The following N4BP1 variants were observed in gnomAD, a reference collection of about 807,000 sequenced individuals.
N4BP1 encodes the protein NEDD4 binding protein 1, also known as NEDD4-binding protein 1.
Under a neutral mutation model 70.9 loss-of-function variants are expected in N4BP1, and 21 were observed. The ratio of observed to expected loss-of-function variants is 0.30; its 90% CI spans 0.21 to 0.43. The LOEUF (loss-of-function observed/expected upper bound fraction) is 0.43, where lower values mean the gene tolerates loss of function less well. N4BP1 is among the 20% of genes least tolerant of loss of function. The probability of loss-of-function intolerance (pLI) is 1.00; values close to 1 mark genes in which losing one functional copy is unlikely to be tolerated. For missense variants in N4BP1, 936 were observed against 1,069.4 expected, an observed-to-expected ratio of 0.88 and a Z score of 1.74; for synonymous variants, 387 against 394.6, an observed-to-expected ratio of 0.98 and a Z score of 0.23.
At chr16:48,601,497 T>C (rs555168701) in intron 1 of N4BP1, among the ~76,000 whole-genome samples, 20 of 152,250 alleles carry the variant, frequency 1.3e-4, no homozygotes, top group Admixed American at 1.2e-3. Context: ...AAAAAAGTGT[T>C]GATTCAAGAA....
rs1963509173 is a variant in N4BP1, at chr16:48,542,135, G to C, written c.*769C>G. 1 of 152,322 alleles carries C rather than the reference G, an allele frequency of 6.6e-6. No individual in the cohort carries two copies. The highest frequency in any genetic ancestry group is 2.1e-4 in the South Asian group (1 of 4,836). The allele number at this position is 152,322 out of a possible 1,614,324, so 9.4% of individuals were successfully genotyped here. A position where few individuals can be genotyped will look rare whatever the true frequency, so the allele number is the denominator to read the frequency against. On this transcript the variant is annotated 3_prime_UTR_variant, in exon 7 of 7. Transcript: ENST00000262384. ...TCAAGCCCTGGCTGGGGAGCCTGCT[G>C]CCTGCCCGGCCACTCCTCAGCTGTG... is the stretch of plus-strand genomic sequence containing the variant.
In N4BP1 at chr16:48,543,125, G is replaced by GC. The variant is rs1963531522; in HGVS notation, c.2469dup (p.Leu824AlafsTer44). 1 of 1,610,490 alleles carries GC rather than the reference G, an allele frequency of 6.2e-7. No homozygotes were observed. The highest frequency in any genetic ancestry group is 2.2e-5 in the East Asian group (1 of 44,782). Reference sequence around the variant, plus strand: ...AGTGGGAAGTGGGGCTGCTGAGGGAGCCAGTGGCTTGAAGGGGCTCCCTGA... The same window carrying GC: ...AGTGGGAAGTGGGGCTGCTGAGGGAGCCCAGTGGCTTGAAGGGGCTCCCTGA... On this transcript the variant is annotated frameshift_variant, in exon 7 of 7. Coordinates refer to ENST00000262384, the MANE Select transcript of N4BP1 (RefSeq NM_153029.4). LOFTEE classifies it high-confidence loss of function.
intron 1 of N4BP1, among the ~76,000 whole-genome samples, chr16:48,609,476 C>A (rs1964641988): frequency 6.6e-6 from 1 of 152,226 alleles, no homozygotes. Context: ...GCACCCGATC[C>A]GTGCCACACG....
At position 48,604,363 on chromosome 16, in the gene N4BP1, C is replaced by G. The variant is rs114759019; in HGVS notation, c.198+5412G>C. ...CTCGGGAATTCAAGATTAGCCAGGGCAGCATAGTGAGATGCCATCTCTACC... is the reference window on the plus strand; with the variant it reads ...CTCGGGAATTCAAGATTAGCCAGGGGAGCATAGTGAGATGCCATCTCTACC... On this transcript the variant is annotated intron_variant, in intron 1 of 6. Transcript: ENST00000262384. Among the ~76,000 whole-genome samples, 773 of 152,102 alleles carry G rather than the reference C, an allele frequency of 5.1e-3. 6 individuals are homozygous for G. The highest frequency in any genetic ancestry group is 0.017 in the African/African-American group (697 of 41,486).
At position 48,610,075 on chromosome 16, in the gene N4BP1, C is replaced by G; in HGVS notation, c.-103G>C. On this transcript the variant is annotated 5_prime_UTR_variant, in exon 1 of 7. Transcript: ENST00000262384. ...GCCAGTCAGGCGGCGTCGGCCCTTC[C>G]CGGCCGCCTCGCCCCCGCCCGCGCC... The G allele has an allele frequency of 1.6e-6, 1 of 619,352 alleles. No individual in the cohort carries two copies. Among genetic ancestry groups the G allele is most frequent in the Non-Finnish European group, 2.0e-6 (1 of 491,834 alleles). The allele number at this position is 619,352 out of a possible 1,614,324, so 38.4% of individuals were successfully genotyped here.
At chr16:48,565,473 C>A (rs574597429) in intron 1 of N4BP1, among the ~76,000 whole-genome samples, 2 of 152,300 alleles carry the variant, frequency 1.3e-5, no homozygotes, top group Non-Finnish European at 2.9e-5. Flanking sequence ...ACTGAACCAG[C>A]CTTGCATCCC....
chr16:48,601,427 A>G (rs191382724), intron 1 of N4BP1, among the ~76,000 whole-genome samples: 1 of 152,302 alleles, frequency 6.6e-6, no homozygotes, highest in East Asian at 1.9e-4. Context: ...AGTAGAATTT[A>G]TGGGTACAAC....
In N4BP1 at chr16:48,553,232, A is replaced by G. The variant is rs182999600; in HGVS notation, c.2020+307T>C. ...AAGTGACTTCAAAAATACTATCTAAACAGTCAGAAATCCAGCCTAATAAAA... is the reference window on the plus strand; with the variant it reads ...AAGTGACTTCAAAAATACTATCTAAGCAGTCAGAAATCCAGCCTAATAAAA... On this transcript the variant is annotated intron_variant, in intron 3 of 6. Coordinates refer to ENST00000262384, the MANE Select transcript of N4BP1 (RefSeq NM_153029.4). Among the ~76,000 whole-genome samples the G allele has an allele frequency of 2.3e-3, 357 of 152,324 alleles. 2 individuals carry two copies. The highest frequency in any genetic ancestry group is 8.3e-3 in the African/African-American group (344 of 41,572).
intron 1 of N4BP1, among the ~76,000 whole-genome samples, chr16:48,579,568 A>G (rs1964147384): frequency 6.6e-6 from 1 of 152,218 alleles, no homozygotes; most frequent in African/African-American, 2.4e-5. Context: ...CTAGAAAAAT[A>G]ACCCAAAAGG....
chr16:48,606,818 T>C (rs1035989159), intron 1 of N4BP1, among the ~76,000 whole-genome samples: 3 of 152,214 alleles, frequency 2.0e-5, no homozygotes, highest in Non-Finnish European at 4.4e-5. Flanking sequence ...CATCTTATCT[T>C]ATTTTGAGCA....
intron 1 of N4BP1, chr16:48,600,643 T>C: frequency 9.7e-6 from 5 of 514,172 alleles, no homozygotes; most frequent in East Asian, 4.9e-5. Flanking sequence ...ACATGGAAGA[T>C]GCTTCTTAAA....
rs557708878 is a variant in N4BP1, at chr16:48,553,803, T to G, written c.1890-134A>C. 5 of 806,254 alleles carry G rather than the reference T, an allele frequency of 6.2e-6. No individual in the cohort carries two copies. The African/African-American group carries it at 7.0e-5, about 11-fold the overall frequency. The allele number at this position is 806,254 out of a possible 1,614,324, so 49.9% of individuals were successfully genotyped here. On this transcript the variant is annotated intron_variant, in intron 2 of 6. Coordinates refer to ENST00000262384, the MANE Select transcript of N4BP1 (RefSeq NM_153029.4). ...GTTTCCTTTAATATTCTTACATTTT[T>G]GGCATTTAGTTGCACAAAGTTAGGA...
rs1193997528 is a variant in N4BP1 at position 48,561,763 on chromosome 16, G to A, written c.880C>T (p.His294Tyr). The A allele has an allele frequency of 6.2e-7, 1 of 1,612,398 alleles. No individual in the cohort carries two copies. Among genetic ancestry groups the A allele is most frequent in the Non-Finnish European group, 8.5e-7 (1 of 1,179,856 alleles). ...TCCAAAGAAAACTGCTTCTTCGTAT[G>A]CCTTTCTTCAGAATCAGAAAATCTC... is the stretch of plus-strand genomic sequence containing the variant. ...KRRFSDSEER[H>Y]TKKQFSLENV... Residue 294 changes from histidine (H) to tyrosine (Y), a missense_variant, in exon 2 of 7, where the codon CAT becomes TAT. Physicochemically the swap from His to Tyr is moderately conservative, Grantham distance 83. This residue lies in a region of N4BP1 where 515 missense variants were observed against 491.7 expected (regional missense o/e 1.05). Coordinates refer to ENST00000262384, the MANE Select transcript of N4BP1 (RefSeq NM_153029.4).
chr16:48,578,816 C>T (rs1035141789), intron 1 of N4BP1, among the ~76,000 whole-genome samples: 3 of 152,172 alleles, frequency 2.0e-5, no homozygotes, highest in African/African-American at 7.2e-5. Context: ...CCAAAAGTAC[C>T]TTCTAAGAAA....
Position 48,551,481 on chromosome 16 carries a change from T to A in N4BP1, c.2022A>T (p.Glu674Asp). The A allele has an allele frequency of 6.2e-7, 1 of 1,609,582 alleles. No individual in the cohort carries two copies. Among genetic ancestry groups the A allele is most frequent in the Non-Finnish European group, 8.5e-7 (1 of 1,176,662 alleles). The part of the protein sequence containing the change: ...WRTRRDPNVT[E>D]QHFLTQLQEL... Reference sequence around the variant, plus strand: ...CCTGGAGCTGGGTTAAGAAGTGCTGTTCTGTTCATGGAATAAGTTGAATAT... The same window carrying A: ...CCTGGAGCTGGGTTAAGAAGTGCTGATCTGTTCATGGAATAAGTTGAATAT... Residue 674 changes from glutamate to aspartate, a missense_variant and splice_region_variant, in exon 4 of 7, where the codon GAA (glutamate) becomes GAT (aspartate). This residue lies in a region of N4BP1 where 229 missense variants were observed against 343.5 expected (regional missense o/e 0.67). Coordinates refer to ENST00000262384, the MANE Select transcript of N4BP1 (RefSeq NM_153029.4).
intron 4 of N4BP1, among the ~76,000 whole-genome samples, chr16:48,549,646 T>C (rs949061298): frequency 3.3e-5 from 5 of 152,210 alleles, no homozygotes; most frequent in African/African-American, 7.2e-5. Context: ...GGCTCTTCCA[T>C]GCCACCTGAG....
At chr16:48,582,799 GA>G (rs1399154149) in intron 1 of N4BP1, among the ~76,000 whole-genome samples, 1 of 152,142 alleles carries the variant, frequency 6.6e-6, no homozygotes, top group African/African-American at 2.4e-5. Flanking sequence ...CACTGTACAT[GA>G]AAAAAATTAC....
chr16:48,591,986 T>G (rs1964346698), intron 1 of N4BP1, among the ~76,000 whole-genome samples: 1 of 151,896 alleles, frequency 6.6e-6, no homozygotes, highest in Non-Finnish European at 1.5e-5. Context: ...AAATGTACTT[T>G]AAGGGATGGC....
At chr16:48,546,034 A>AC in intron 6 of N4BP1, 113 bp downstream of exon 6, 1 of 666,638 alleles carries the variant, frequency 1.5e-6, no homozygotes, top group Non-Finnish European at 2.4e-6. Context: ...TCTCAAAAAA[A>AC]AAAAAAATAA....
Sources: gnomAD v4.1 joint callset for allele counts (sites outside exome capture counted in the v4.1 genomes callset) on GRCh38, gnomAD v4.1.1 for gene constraint, gnomAD v4.1.1 regional missense constraint, MANE v1.5 for transcripts, NCBI Gene and HGNC (gene_info 2026-07-23, HGNC 2026-07-21) for gene names.